The following ZMYM6 variants were observed in gnomAD, a reference collection of about 807,000 sequenced individuals.
ZMYM6 encodes zinc finger MYM-type protein 6.
ZMYM6 carries 90 observed loss-of-function variants against 134.0 expected under a neutral mutation model. That is an observed-to-expected ratio of 0.67 (90% CI 0.57 to 0.80). The LOEUF (loss-of-function observed/expected upper bound fraction) is 0.80. ZMYM6 is among the 30% of genes least tolerant of loss of function. ZMYM6 has a pLI of 0.00. For missense variants in ZMYM6, 1,362 were observed against 1,533.9 expected (o/e 0.89, Z 1.87); for synonymous variants, 481 against 524.1 (o/e 0.92, Z 1.12).
chr1:35,005,150 T>C lies in ZMYM6; in HGVS notation c.1936A>G (p.Thr646Ala). ...GTCATACCTTTTAAAACACTGTTAGTGTTCCCTGTAGATAAGGTAGCAGGT... is the reference window on the plus strand; with the variant it reads ...GTCATACCTTTTAAAACACTGTTAGCGTTCCCTGTAGATAAGGTAGCAGGT... The part of the protein sequence containing the change: ...KIPATLSTGN[T>A]NSVLKGAVTK... The change falls in exon 13 of 16, where the codon ACT becomes GCT. Residue 646 changes from threonine to alanine, a missense_variant. Around this residue, in one of 3 missense-constraint regions of ZMYM6, gnomAD observed 824 missense variants for 940.9 expected, o/e 0.88. Transcript: ENST00000357182. 1.2e-6 allele frequency: 2 copies of C among 1,614,162 alleles called. No homozygotes were observed. The highest frequency in any genetic ancestry group is 1.7e-6 in the Non-Finnish European group (2 of 1,180,004).
In ZMYM6 at chr1:34,999,399, A is replaced by C. The variant is rs1640842733; in HGVS notation, c.1992+4569T>G. On this transcript the variant is annotated intron_variant, in intron 14 of 15. Coordinates refer to ENST00000357182, the MANE Select transcript of ZMYM6 (RefSeq NM_007167.4). ...GAGGTGGCAAGAACAGGCTACCTTTAGAGGAGTTTTTCCATAAAGAGAGCA... is the reference window on the plus strand; with the variant it reads ...GAGGTGGCAAGAACAGGCTACCTTTCGAGGAGTTTTTCCATAAAGAGAGCA... 2.0e-5 allele frequency among the ~76,000 whole-genome samples: 3 copies of C among 152,204 alleles called. No individual in the cohort carries two copies. The South Asian group carries it at 6.2e-4, about 32-fold the overall frequency.
intron 3 of ZMYM6, among the ~76,000 whole-genome samples, 159 bp from the exon 4 acceptor site, chr1:35,019,761 C>T (rs1365545558): frequency 6.6e-6 from 1 of 152,126 alleles, no homozygotes; most frequent in Non-Finnish European, 1.5e-5. Context: ...AAGCCTCAAA[C>T]TCCCAGGATT....
chr1:35,004,491 C>T (rs1225862295), intron 13 of ZMYM6, among the ~76,000 whole-genome samples: 1 of 152,064 alleles, frequency 6.6e-6, no homozygotes, highest in African/African-American at 2.4e-5. Context: ...CACTTGTAAA[C>T]CCAACTATTC....
intron 4 of ZMYM6, 49 bp downstream of exon 4, chr1:35,019,304 A>G: frequency 6.2e-7 from 1 of 1,611,694 alleles, no homozygotes; most frequent in South Asian, 1.1e-5. Flanking sequence ...TAAACAATAT[A>G]CACACTAAAA....
intron 14 of ZMYM6, among the ~76,000 whole-genome samples, chr1:35,002,726 T>A (rs192274948): frequency 6.6e-6 from 1 of 152,366 alleles, no homozygotes; most frequent in East Asian, 1.9e-4. Context: ...GTCATCTTCA[T>A]AGATTTTTTA....
intron 15 of ZMYM6, chr1:34,989,807 G>C: frequency 6.6e-6 from 1 of 152,496 alleles, no homozygotes; most frequent in Non-Finnish European, 1.5e-5. Context: ...GGCTGAGGCA[G>C]GAGAATCGCT....
chr1:35,014,901 C>A lies in ZMYM6; in HGVS notation c.604-13G>T, dbSNP rs1367108378. Reference sequence around the variant, plus strand: ...CTTCAAATCGAGTCTAGGAAATAAACACACACATACACACACAAAATAAGC... The same window carrying A: ...CTTCAAATCGAGTCTAGGAAATAAAAACACACATACACACACAAAATAAGC... On this transcript the variant is annotated splice_polypyrimidine_tract_variant and intron_variant, in intron 5 of 15. Coordinates refer to ENST00000357182, the MANE Select transcript of ZMYM6 (RefSeq NM_007167.4). 2.5e-6 allele frequency: 4 copies of A among 1,609,160 alleles called. No individual in the cohort carries two copies. Among genetic ancestry groups the A allele is most frequent in the African/African-American group, 1.3e-5 (1 of 74,428 alleles).
At chr1:35,004,325 A>T (rs1338982313) in intron 13 of ZMYM6, among the ~76,000 whole-genome samples, 1 of 152,332 alleles carries the variant, frequency 6.6e-6, no homozygotes, top group East Asian at 1.9e-4. Flanking sequence ...CTGCCTGATT[A>T]AAAAGAAAAC....
rs1199419650 is a variant in ZMYM6, at chr1:35,012,718, T to G, written c.796-137A>C. On this transcript the variant is annotated intron_variant, in intron 6 of 15. Coordinates refer to ENST00000357182, the MANE Select transcript of ZMYM6 (RefSeq NM_007167.4). ...TGAGCATGATGATGAAACCACACTA[T>G]TGGGAGGTGGGAAAATAAGTTCTTC... The G allele has an allele frequency of 4.2e-6, 6 of 1,423,068 alleles. No homozygotes were observed. The East Asian group carries it at 1.3e-4, about 32-fold the overall frequency. The allele number at this position is 1,423,068 out of a possible 1,614,324, so 88.2% of individuals were successfully genotyped here.
At chr1:34,998,576 T>C (rs894391713) in intron 14 of ZMYM6, among the ~76,000 whole-genome samples, 3 of 151,948 alleles carry the variant, frequency 2.0e-5, no homozygotes, top group African/African-American at 7.3e-5. Context: ...ACTGCAATAA[T>C]CCAAAAGAAT....
intron 2 of ZMYM6, among the ~76,000 whole-genome samples, chr1:35,021,901 T>C (rs1036694448): frequency 1.3e-5 from 2 of 152,238 alleles, no homozygotes. Context: ...TTTTTTTTAA[T>C]GTTAAAATAC....
In ZMYM6 at chr1:35,010,502, T is replaced by C; in HGVS notation, c.1437A>G (p.Lys479=). The change falls in exon 10 of 16, where the codon AAA becomes AAG. Residue 479 remains lysine (K), a synonymous_variant. Transcript: ENST00000357182. ...VAMCDYCKLQ[K]IIKETVRFSG... is the part of the protein sequence containing the mutation. ...AGAATCGCACAGTCTCCTTTATAAT[T>C]TTCTGCAGTTTACAGTAGTCACACA... is the stretch of plus-strand genomic sequence containing the variant. 1.2e-6 allele frequency: 2 copies of C among 1,614,130 alleles called. No individual in the cohort carries two copies. Among genetic ancestry groups the C allele is most frequent in the South Asian group, 1.1e-5 (1 of 91,054 alleles).
intron 14 of ZMYM6, among the ~76,000 whole-genome samples, chr1:34,994,566 G>T (rs1423972648): frequency 6.6e-6 from 1 of 151,992 alleles, no homozygotes; most frequent in African/African-American, 2.4e-5. Flanking sequence ...TATAGGATCT[G>T]GAAGGTCTCA....
intron 10 of ZMYM6, among the ~76,000 whole-genome samples, chr1:35,010,018 T>C (rs1641055804): frequency 1.3e-5 from 2 of 152,178 alleles, no homozygotes; most frequent in South Asian, 4.1e-4. Context: ...AAAAAACCTT[T>C]TTTTTTTTGG....
intron 10 of ZMYM6, 120 bp downstream of exon 10, chr1:35,010,327 A>G: frequency 7.4e-7 from 1 of 1,353,720 alleles, no homozygotes; most frequent in Non-Finnish European, 1.0e-6. Context: ...GGCCTCCAAA[A>G]TACTTCTAAT....
chr1:34,992,667 T>TATAAAAATATATTTGTAAATATAAAA (rs1557558210), intron 14 of ZMYM6, among the ~76,000 whole-genome samples: 3 of 146,094 alleles, frequency 2.1e-5, no homozygotes, highest in Non-Finnish European at 4.5e-5. Flanking sequence ...AAACTATAAA[T>TATAAAAATATATTTGTAAATATAAAA]ATAAAAATAT....
intron 2 of ZMYM6, among the ~76,000 whole-genome samples, chr1:35,028,928 C>T (rs775168720): frequency 2.7e-4 from 41 of 152,132 alleles, no homozygotes; most frequent in Non-Finnish European, 4.0e-4. Flanking sequence ...TGGTGGCTCA[C>T]GCCTGTAATC....
chr1:35,021,275 G>T (rs1208402734), intron 2 of ZMYM6, among the ~76,000 whole-genome samples: 1 of 151,674 alleles, frequency 6.6e-6, no homozygotes, highest in Admixed American at 6.6e-5. Context: ...CAAGTAGCTG[G>T]GAATACAGGC....
rs571383068 is a variant in ZMYM6 at position 35,015,936 on chromosome 1, T to C, written c.429-774A>G. On this transcript the variant is annotated intron_variant, in intron 4 of 15. Transcript: ENST00000357182. ...AACTGAAATGAGACAATAAATGAAT[T>C]TTTTCTTTCTTTTTTTTTTTTTTTT... Among the ~76,000 whole-genome samples, 4 of 133,182 alleles carry C rather than the reference T, an allele frequency of 3.0e-5. No individual in the cohort carries two copies. The East Asian group carries it at 7.1e-4, about 24-fold the overall frequency. The allele number at this position is 133,182 out of a possible 152,430, so 87.4% of individuals were successfully genotyped here. A position where few individuals can be genotyped will look rare whatever the true frequency, so the allele number is the denominator to read the frequency against.
Sources: gnomAD v4.1 joint callset for allele counts (sites outside exome capture counted in the v4.1 genomes callset) on GRCh38, gnomAD v4.1.1 for gene constraint, gnomAD v4.1.1 regional missense constraint, MANE v1.5 for transcripts, NCBI Gene and HGNC (gene_info 2026-07-23, HGNC 2026-07-21) for gene names.